The following ASCC3 variants were observed in gnomAD, a reference collection of about 807,000 sequenced individuals.
ASCC3 encodes the protein activating signal cointegrator 1 complex subunit 3, also known as ASC-1 complex subunit P200.
A neutral mutation model predicts 256.3 loss-of-function variants in ASCC3; 158 were observed. The ratio of observed to expected loss-of-function variants is 0.62; its 90% CI spans 0.54 to 0.70. The LOEUF is 0.70. ASCC3 is among the 30% of genes least tolerant of loss of function. The probability of loss-of-function intolerance (pLI) is 0.00; values close to 1 mark genes in which losing one functional copy is unlikely to be tolerated. For missense variants in ASCC3, 2,259 were observed against 2,626.0 expected (o/e 0.86, Z 3.05); for synonymous variants, 948 against 883.4 (o/e 1.07, Z -1.30).
intron 40 of ASCC3, among the ~76,000 whole-genome samples, chr6:100,511,852 G>C (rs1210758088): frequency 6.6e-6 from 1 of 152,148 alleles, no homozygotes; most frequent in African/African-American, 2.4e-5. Flanking sequence ...CTTAAGAATA[G>C]AAAGTTACTG....
chr6:100,517,372 T>C (rs376889921), intron 38 of ASCC3, among the ~76,000 whole-genome samples: 6 of 152,180 alleles, frequency 3.9e-5, no homozygotes, highest in African/African-American at 1.4e-4. Flanking sequence ...AAAGTATCTC[T>C]TAACTGGCGT....
intron 8 of ASCC3, among the ~76,000 whole-genome samples, chr6:100,797,570 G>A (rs1247456702): frequency 6.6e-6 from 1 of 151,368 alleles, no homozygotes; most frequent in Non-Finnish European, 1.5e-5. Flanking sequence ...GATTGATAAG[G>A]TTTATAACAA....
At chr6:100,623,003 A>G (rs1338982826) in intron 30 of ASCC3, among the ~76,000 whole-genome samples, 5 of 152,152 alleles carry the variant, frequency 3.3e-5, no homozygotes, top group Non-Finnish European at 7.4e-5. Flanking sequence ...TGTACATTGT[A>G]TCTTGACTTC....
At chr6:100,608,749 A>T (rs1363800588) in intron 30 of ASCC3, among the ~76,000 whole-genome samples, 3 of 40,410 alleles carry the variant, frequency 7.4e-5, no homozygotes, top group African/African-American at 1.8e-4. Context: ...ATATATATAT[A>T]TATATATATA....
chr6:100,793,900 A>G (rs1769474425), intron 8 of ASCC3, among the ~76,000 whole-genome samples: 1 of 151,912 alleles, frequency 6.6e-6, no homozygotes. Context: ...AGTTTTTCCT[A>G]TTTCCTATTC....
intron 37 of ASCC3, among the ~76,000 whole-genome samples, chr6:100,532,048 A>G (rs1351544175): frequency 6.6e-6 from 1 of 151,692 alleles, no homozygotes; most frequent in Non-Finnish European, 1.5e-5. Context: ...ATTTATAAGA[A>G]GATAGTAGGA....
intron 8 of ASCC3, among the ~76,000 whole-genome samples, chr6:100,795,026 T>C (rs1247130339): frequency 1.3e-5 from 2 of 152,018 alleles, no homozygotes; most frequent in African/African-American, 2.4e-5. Flanking sequence ...TGGTGGCTCA[T>C]GGGGAGCTGA....
chr6:100,605,819 A>C (rs1251066160), intron 32 of ASCC3, 119 bp from the exon 33 acceptor site: 4 of 1,199,102 alleles, frequency 3.3e-6, no homozygotes, highest in Non-Finnish European at 4.8e-6. Flanking sequence ...ATATTGTGAT[A>C]ATATGTTTGC....
chr6:100,773,645 A>G (rs1218720669), intron 8 of ASCC3, among the ~76,000 whole-genome samples: 4 of 152,126 alleles, frequency 2.6e-5, no homozygotes, highest in African/African-American at 9.7e-5. Context: ...TGAGTCTTTT[A>G]TATGTATTTC....
Position 100,510,066 on chromosome 6 carries a change from T to C in ASCC3, c.6327A>G (p.Lys2109=). ...TCAAAAACCATCCTTCGTCTTTTGATTTGGGAAATCGAGGAGTAACTGCAC... is the reference window on the plus strand; with the variant it reads ...TCAAAAACCATCCTTCGTCTTTTGACTTGGGAAATCGAGGAGTAACTGCAC... ...ESCAVTPRFP[K]SKDEGWFLIL... The change falls in exon 41 of 42, where the codon AAA becomes AAG. Residue 2109 remains lysine (K), a synonymous_variant. Coordinates refer to ENST00000369162, the MANE Select transcript of ASCC3 (RefSeq NM_006828.4). 1 of 1,614,204 alleles carries C rather than the reference T, an allele frequency of 6.2e-7. No individual in the cohort carries two copies.
intron 4 of ASCC3, among the ~76,000 whole-genome samples, chr6:100,808,586 A>G (rs1224642574): frequency 6.6e-6 from 1 of 152,004 alleles, no homozygotes; most frequent in East Asian, 1.9e-4. Flanking sequence ...TAAACCAGAT[A>G]TTAAAAAGAT....
chr6:100,686,870 G>C (rs1426776791), intron 13 of ASCC3, among the ~76,000 whole-genome samples: 2 of 151,830 alleles, frequency 1.3e-5, no homozygotes, highest in East Asian at 3.9e-4. Flanking sequence ...CAATTTGTTG[G>C]TCCTTTTTGT....
At chr6:100,872,470 G>GT (rs1463377053) in intron 1 of ASCC3, among the ~76,000 whole-genome samples, 2 of 125,430 alleles carry the variant, frequency 1.6e-5, no homozygotes, top group East Asian at 2.9e-4. Flanking sequence ...AAAAAGGGTC[G>GT]GGGGGGGATC....
chr6:100,721,743 A>G (rs982310648), intron 11 of ASCC3, among the ~76,000 whole-genome samples: 1 of 151,448 alleles, frequency 6.6e-6, no homozygotes, highest in African/African-American at 2.4e-5. Context: ...CTACAATTTC[A>G]TTTCTACTGA....
intron 10 of ASCC3, among the ~76,000 whole-genome samples, chr6:100,728,775 C>A (rs1779757972): frequency 6.6e-6 from 1 of 152,070 alleles, no homozygotes; most frequent in Non-Finnish European, 1.5e-5. Flanking sequence ...CTCTCCTTTG[C>A]CAAGGAGTCT....
chr6:100,659,301 C>T (rs1271021831), intron 16 of ASCC3, among the ~76,000 whole-genome samples: 1 of 151,470 alleles, frequency 6.6e-6, no homozygotes, highest in Non-Finnish European at 1.5e-5. Context: ...ACCAATTTCA[C>T]ACTTGATTTC....
intron 36 of ASCC3, among the ~76,000 whole-genome samples, chr6:100,585,954 G>A (rs1250696218): frequency 6.6e-6 from 1 of 152,130 alleles, no homozygotes; most frequent in Non-Finnish European, 1.5e-5. Context: ...TTGTCTCAGA[G>A]GAGTACTCGG....
chr6:100,511,116 T>A (rs953446922), intron 40 of ASCC3, among the ~76,000 whole-genome samples: 1 of 152,214 alleles, frequency 6.6e-6, no homozygotes, highest in Admixed American at 6.5e-5. Context: ...TACTTTTTTT[T>A]ATAAGTTGGA....
At chr6:100,802,393 T>C (rs1004902432) in intron 5 of ASCC3, among the ~76,000 whole-genome samples, 2 of 152,104 alleles carry the variant, frequency 1.3e-5, no homozygotes, top group Admixed American at 6.6e-5. Flanking sequence ...GCTCCCCTTT[T>C]GCCTTCTGCC....
Sources: allele counts gnomAD v4.1 joint callset (sites outside exome capture counted in the v4.1 genomes callset), GRCh38; gene constraint gnomAD v4.1.1; transcripts MANE v1.5; gene names NCBI Gene and HGNC (gene_info 2026-07-23, HGNC 2026-07-21).